PRPF3: variants seen among roughly 807,000 people sequenced by gnomAD.
The protein encoded by PRPF3 is pre-mRNA processing factor 3, also known as U4/U6 small nuclear ribonucleoprotein Prp3.
A neutral mutation model predicts 89.2 loss-of-function variants in PRPF3; 3 were observed. The ratio of observed to expected loss-of-function variants is 0.03; its 90% CI spans 0.02 to 0.09. The LOEUF (loss-of-function observed/expected upper bound fraction) is 0.09, where lower values mean the gene tolerates loss of function less well. PRPF3 is among the 10% of genes least tolerant of loss of function. PRPF3 has a pLI of 1.00. For missense variants in PRPF3, 463 were observed against 828.8 expected, an observed-to-expected ratio of 0.56 and a Z score of 5.42; for synonymous variants, 270 against 289.1, an observed-to-expected ratio of 0.93 and a Z score of 0.67.
Position 150,349,054 on chromosome 1 carries a change from A to C in PRPF3, c.1844-103A>C, listed in dbSNP as rs1445687946. On this transcript the variant is annotated intron_variant, in intron 14 of 15. Transcript: ENST00000324862. ...GAAAAGAGAACACTTGGTCCAACAC[A>C]TAAAAAGGGTGATAATATTTTAGAG... The C allele has an allele frequency of 1.2e-5, 12 of 984,604 alleles. No individual in the cohort carries two copies. The African/African-American group carries it at 1.6e-4, about 13-fold the overall frequency. The allele number at this position is 984,604 out of a possible 1,614,324, so 61.0% of individuals were successfully genotyped here.
intron 1 of PRPF3, among the ~76,000 whole-genome samples, chr1:150,323,254 G>A (rs1408959973): frequency 4.7e-5 from 6 of 126,788 alleles, no homozygotes; most frequent in African/African-American, 1.2e-4. Context: ...TTGGCTCACC[G>A]CAACCTCCGC....
At chr1:150,322,954 A>G (rs1655230712) in intron 1 of PRPF3, among the ~76,000 whole-genome samples, 1 of 150,346 alleles carries the variant, frequency 6.7e-6, no homozygotes. Context: ...GGCTCACTGC[A>G]ACCTCCGCCT....
Position 150,325,859 on chromosome 1 carries a change from G to C in PRPF3, c.254G>C (p.Arg85Thr). The part of the protein sequence containing the change: ...SSRHSKSSSD[R>T]SRKRELKEVF... ...AGGCATTCCAAGTCTAGCAGTGACA[G>C]GAGCAGAAAACGAGAGCTAAAGGTA... Residue 85 changes from arginine (R) to threonine (T), a missense_variant, in exon 3 of 16, where the codon AGG (arginine) becomes ACG (threonine). By Grantham distance (71) the Arg-to-Thr change is moderately conservative. Transcript: ENST00000324862. The C allele has an allele frequency of 6.2e-7, 1 of 1,613,556 alleles. No homozygotes were observed. The highest frequency in any genetic ancestry group is 8.5e-7 in the Non-Finnish European group (1 of 1,179,604).
intron 7 of PRPF3, among the ~76,000 whole-genome samples, chr1:150,336,116 T>C (rs1215001892): frequency 3.9e-5 from 6 of 152,162 alleles, no homozygotes; most frequent in African/African-American, 1.4e-4. Flanking sequence ...ATTATATAAC[T>C]CACCATAATA....
intron 1 of PRPF3, among the ~76,000 whole-genome samples, chr1:150,323,996 GT>G (rs1655414185): frequency 6.6e-6 from 1 of 151,868 alleles, no homozygotes; most frequent in Admixed American, 6.6e-5. Context: ...GGCCAGGCTG[GT>G]CTTGAACTCC....
At chr1:150,330,929 G>C (rs1656296380) in intron 4 of PRPF3, among the ~76,000 whole-genome samples, 3 of 151,428 alleles carry the variant, frequency 2.0e-5, no homozygotes, top group African/African-American at 7.3e-5. Context: ...ATGTTGGTCA[G>C]GCTGGTCTCG....
At position 150,344,184 on chromosome 1, in the gene PRPF3, A is replaced by G. The variant is rs1572266292; in HGVS notation, c.1449A>G (p.Arg483=). The stretch of plus-strand genomic sequence containing the variant: ...CAGTGAGAATTTCTAATTTGATGCG[A>G]GTATTAGGAACAGAAGCTGTTCAAG... ...EPKVRISNLM[R]VLGTEAVQDP... The change falls in exon 11 of 16, where the codon CGA becomes CGG. Residue 483 remains arginine (R), a synonymous_variant. Coordinates refer to ENST00000324862, the MANE Select transcript of PRPF3 (RefSeq NM_004698.4). 1 of 1,613,932 alleles carries G rather than the reference A, an allele frequency of 6.2e-7. No individual in the cohort carries two copies. Among genetic ancestry groups the G allele is most frequent in the East Asian group, 2.2e-5 (1 of 44,888 alleles).
Position 150,340,425 on chromosome 1 carries a change from T to A in PRPF3, c.1230T>A (p.Asp410Glu). 6.2e-7 allele frequency: 1 copy of A among 1,605,728 alleles called. No homozygotes were observed. Among genetic ancestry groups the A allele is most frequent in the Non-Finnish European group, 8.5e-7 (1 of 1,172,412 alleles). ...DLTEENPKREDYFGITNLVEH... is the reference protein window; with the variant it reads ...DLTEENPKREEYFGITNLVEH... ...CAGAGGAAAATCCCAAGAGAGAAGA[T>A]TATTTTGGAATCACAAATCTTGTTG... is the stretch of plus-strand genomic sequence containing the variant. Residue 410 changes from aspartate to glutamate, a missense_variant, in exon 9 of 16, where the codon GAT becomes GAA. Asp to Glu is a conservative substitution (Grantham distance 45). Coordinates refer to ENST00000324862, the MANE Select transcript of PRPF3 (RefSeq NM_004698.4).
chr1:150,325,460 G>C (rs35762205), intron 2 of PRPF3, among the ~76,000 whole-genome samples: 11,696 of 152,076 alleles, frequency 0.077, 566 homozygotes, highest in Non-Finnish European at 0.093. Flanking sequence ...TTAATGGTAG[G>C]CTTCTACAAC....
intron 9 of PRPF3, among the ~76,000 whole-genome samples, chr1:150,342,352 C>G (rs1553871476): frequency 6.6e-6 from 1 of 151,988 alleles, no homozygotes. Flanking sequence ...TGCACTCCAG[C>G]CTGGGCAGCA....
At chr1:150,331,789 T>C (rs1321137691) in intron 4 of PRPF3, among the ~76,000 whole-genome samples, 4 of 152,206 alleles carry the variant, frequency 2.6e-5, no homozygotes, top group African/African-American at 9.7e-5. Flanking sequence ...GAGGAGTTGT[T>C]TGGCCATACC....
chr1:150,353,137 C>A lies in PRPF3; in HGVS notation c.*158C>A. On this transcript the variant is annotated 3_prime_UTR_variant, in exon 16 of 16. Coordinates refer to ENST00000324862, the MANE Select transcript of PRPF3 (RefSeq NM_004698.4). ...AGAATATCTTGCTCCCCTCCTGAGT[C>A]AGCCTGGTGTTGCCCTTTATTCCCC... The A allele has an allele frequency of 1.1e-6, 1 of 937,564 alleles. No homozygotes were observed. Among genetic ancestry groups the A allele is most frequent in the Non-Finnish European group, 1.7e-6 (1 of 581,390 alleles). 58.1% of individuals were successfully genotyped at this position (937,564 alleles called of 1,614,324 possible).
intron 4 of PRPF3, chr1:150,330,265 T>A (rs1656193209): frequency 6.6e-6 from 1 of 152,062 alleles, no homozygotes; most frequent in Non-Finnish European, 1.5e-5. Flanking sequence ...CCCAGGCTGG[T>A]CTTGAACTCC....
Position 150,343,414 on chromosome 1 carries a change from A to T in PRPF3, c.1388A>T (p.Lys463Ile). ...RREAQKELQE[K>I]VRLGLMPPPE... is the part of the protein sequence containing the mutation. ...GAAGCACAGAAGGAACTACAAGAAA[A>T]AGTCAGGCTGGGCCTGATGCCTCCT... Residue 463 changes from lysine (K) to isoleucine (I), a missense_variant, in exon 10 of 16, where the codon AAA becomes ATA. Physicochemically the swap from Lys to Ile is moderately radical, Grantham distance 102. Around this residue, in one of 8 missense-constraint regions of PRPF3, gnomAD observed 261 missense variants for 475.8 expected, o/e 0.55. Coordinates refer to ENST00000324862, the MANE Select transcript of PRPF3 (RefSeq NM_004698.4). 1.2e-6 allele frequency: 2 copies of T among 1,614,026 alleles called. No homozygotes were observed. Among genetic ancestry groups the T allele is most frequent in the Non-Finnish European group, 1.7e-6 (2 of 1,179,950 alleles).
chr1:150,325,107 T>C lies in PRPF3; in HGVS notation c.145+20T>C. On this transcript the variant is annotated intron_variant, in intron 2 of 15. Transcript: ENST00000324862. ...CAGCCGGTATGTACCTTTCTGCATC[T>C]TTTATCTTAACATATAGGGTGACCC... The C allele has an allele frequency of 3.1e-6, 5 of 1,611,376 alleles. No individual in the cohort carries two copies. Among genetic ancestry groups the C allele is most frequent in the Non-Finnish European group, 4.2e-6 (5 of 1,178,326 alleles).
At chr1:150,345,639 G>A (rs113416080) in intron 12 of PRPF3, 30 of 289,976 alleles carry the variant, frequency 1.0e-4, no homozygotes, top group African/African-American at 4.7e-4. Context: ...ATGAGCCACC[G>A]CACCCAGCCA....
intron 9 of PRPF3, among the ~76,000 whole-genome samples, chr1:150,342,601 C>T (rs1406519401): frequency 1.2e-4 from 19 of 152,058 alleles, no homozygotes; most frequent in African/African-American, 4.3e-4. Context: ...CGGCTCACTG[C>T]AACCTCCACC....
chr1:150,334,167 T>C (rs1203090251), intron 6 of PRPF3, among the ~76,000 whole-genome samples: 1 of 151,892 alleles, frequency 6.6e-6, no homozygotes, highest in Non-Finnish European at 1.5e-5. Flanking sequence ...TAGCCAGGCA[T>C]GGTAGAGCAT....
chr1:150,332,911 C>G, intron 5 of PRPF3, 68 bp from the exon 6 acceptor site: 1 of 1,509,272 alleles, frequency 6.6e-7, no homozygotes, highest in Non-Finnish European at 9.2e-7. Context: ...GTGTGTATAT[C>G]TGTGTGTATG....
Sources: allele counts gnomAD v4.1 joint callset (sites outside exome capture counted in the v4.1 genomes callset), GRCh38; gene constraint gnomAD v4.1.1; regional missense constraint gnomAD v4.1.1; transcripts MANE v1.5; gene names NCBI Gene and HGNC (gene_info 2026-07-23, HGNC 2026-07-21).